ERBIN: variants seen among roughly 807,000 people sequenced by gnomAD.
The protein encoded by ERBIN is erbb2 interacting protein, also known as densin-180-like protein.
In ERBIN, 60 loss-of-function variants were observed where a neutral mutation model predicts 158.4. That is an observed-to-expected ratio of 0.38 (90% CI 0.31 to 0.47). The LOEUF is 0.47. ERBIN is among the 20% of genes least tolerant of loss of function. ERBIN has a pLI of 0.99. For synonymous variants in ERBIN, 594 were observed against 557.2 expected (o/e 1.07, Z -0.93); for missense variants, 1,610 against 1,648.0 (o/e 0.98, Z 0.40).
At chr5:66,029,512 G>A (rs191773037) in intron 14 of ERBIN, among the ~76,000 whole-genome samples, 202 of 152,164 alleles carry the variant, frequency 1.3e-3, no homozygotes, top group Middle Eastern at 0.01. Flanking sequence ...AAAGAAACCC[G>A]CAAGGATTCT....
At chr5:66,004,517 G>A (rs1028753629) in intron 4 of ERBIN, among the ~76,000 whole-genome samples, 1 of 152,052 alleles carries the variant, frequency 6.6e-6, no homozygotes, top group Admixed American at 6.6e-5. Context: ...TTGTACCTCA[G>A]CCTCCCAAGT....
rs73107527 is a variant in ERBIN at position 66,004,434 on chromosome 5, C to T, written c.308-7615C>T. On this transcript the variant is annotated intron_variant, in intron 4 of 25. Coordinates refer to ENST00000284037, the MANE Select transcript of ERBIN (RefSeq NM_001253697.2). The stretch of plus-strand genomic sequence containing the variant: ...TATGTGTGAGTTGAGACAGAATCTC[C>T]GTCACCCAGGCTGCAGTACAGTGGT... Among the ~76,000 whole-genome samples the T allele has an allele frequency of 3.8e-3, 580 of 152,106 alleles. 6 individuals are homozygous for T. Among genetic ancestry groups the T allele is most frequent in the African/African-American group, 0.013 (557 of 41,500 alleles).
At chr5:66,053,187 A>G (rs1580474562) in intron 20 of ERBIN, among the ~76,000 whole-genome samples, 1 of 152,292 alleles carries the variant, frequency 6.6e-6, no homozygotes, top group Non-Finnish European at 1.5e-5. Context: ...GGTATTATCT[A>G]TGAATTTTAA....
At chr5:65,960,345 A>G (rs976588796) in intron 1 of ERBIN, among the ~76,000 whole-genome samples, 8 of 152,238 alleles carry the variant, frequency 5.3e-5, no homozygotes, top group Non-Finnish European at 8.8e-5. Context: ...CATTGACTGG[A>G]TGTGGGGCAG....
intron 1 of ERBIN, among the ~76,000 whole-genome samples, chr5:65,965,147 A>G (rs1218173494): frequency 8.9e-6 from 1 of 112,200 alleles, no homozygotes; most frequent in Non-Finnish European, 2.0e-5. Context: ...AAAACTTTCT[A>G]ATGAATTCTC....
chr5:65,941,943 T>C lies in ERBIN; in HGVS notation c.-58+15137T>C, dbSNP rs570473810. On this transcript the variant is annotated intron_variant, in intron 1 of 25. Transcript: ENST00000284037. ...TTTTAGTAGAGATGGGGTTTCACCA[T>C]GTTAGCCAGGATGGTCTCGATCTCC... Among the ~76,000 whole-genome samples, 30 of 152,318 alleles carry C rather than the reference T, an allele frequency of 2.0e-4. No homozygotes were observed. In the East Asian group the frequency reaches 5.6e-3, roughly 28 times the overall value.
chr5:66,038,021 G>C (rs960032692), intron 14 of ERBIN, among the ~76,000 whole-genome samples: 3 of 152,016 alleles, frequency 2.0e-5, no homozygotes, highest in Non-Finnish European at 4.4e-5. Flanking sequence ...ATACTAGAGA[G>C]GGCAAAATAA....
intron 1 of ERBIN, among the ~76,000 whole-genome samples, chr5:65,962,754 ACT>A (rs1183833615): frequency 1.3e-5 from 2 of 152,156 alleles, no homozygotes; most frequent in African/African-American, 4.8e-5. Context: ...CATTACTAAT[ACT>A]CTCTGTGTAA....
At chr5:66,077,900 T>G (rs1762161205) in intron 25 of ERBIN, among the ~76,000 whole-genome samples, 1 of 152,156 alleles carries the variant, frequency 6.6e-6, no homozygotes, top group Non-Finnish European at 1.5e-5. Context: ...TGCCTCTCCA[T>G]GCCTGGGCTT....
At chr5:65,975,392 G>A (rs372650486) in intron 1 of ERBIN, among the ~76,000 whole-genome samples, 2 of 152,098 alleles carry the variant, frequency 1.3e-5, no homozygotes, top group Admixed American at 1.3e-4. Context: ...TGTAACCTCC[G>A]CCTCCCAGGT....
chr5:66,037,007 G>T (rs536000604), intron 14 of ERBIN, among the ~76,000 whole-genome samples: 1 of 152,200 alleles, frequency 6.6e-6, no homozygotes, highest in African/African-American at 2.4e-5. Context: ...CAATTCAGTG[G>T]TTTTTAGTAT....
At chr5:65,943,209 A>C (rs1459849410) in intron 1 of ERBIN, among the ~76,000 whole-genome samples, 1 of 152,188 alleles carries the variant, frequency 6.6e-6, no homozygotes, top group Non-Finnish European at 1.5e-5. Context: ...CAGTAGTTAT[A>C]GCTTATGGAT....
chr5:65,935,376 G>GT (rs202162307), intron 1 of ERBIN, among the ~76,000 whole-genome samples: 5,946 of 152,050 alleles, frequency 0.039, 391 homozygotes, highest in African/African-American at 0.14. Context: ...TTCCATACTT[G>GT]TAACTTATCT....
chr5:66,026,903 A>G (rs1756316805), intron 13 of ERBIN, among the ~76,000 whole-genome samples: 2 of 152,122 alleles, frequency 1.3e-5, no homozygotes, highest in South Asian at 2.1e-4. Context: ...TAACAAAACA[A>G]TTTTGGAATG....
rs373269669 is a variant in ERBIN at position 66,030,285 on chromosome 5, G to A, written c.1206+1942G>A. ...TGGAACTCCTGACCTCAGGTAATCC[G>A]CCTGCTTCGGCCTCCCAAAGTGCTG... On this transcript the variant is annotated intron_variant, in intron 14 of 25. Transcript: ENST00000284037. Among the ~76,000 whole-genome samples, 27 of 151,356 alleles carry A rather than the reference G, an allele frequency of 1.8e-4. No homozygotes were observed. In the South Asian group the frequency reaches 4.4e-3, roughly 25 times the overall value.
chr5:65,988,440 C>G (rs1053256345), intron 1 of ERBIN, among the ~76,000 whole-genome samples, 195 bp from the exon 2 acceptor site: 3 of 150,908 alleles, frequency 2.0e-5, no homozygotes, highest in Non-Finnish European at 4.4e-5. Flanking sequence ...TGTGTGCATA[C>G]ACTTGTGTGT....
chr5:65,968,099 A>G (rs996600892), intron 1 of ERBIN, among the ~76,000 whole-genome samples: 7 of 152,232 alleles, frequency 4.6e-5, no homozygotes, highest in African/African-American at 1.2e-4. Flanking sequence ...TCTTATTCCA[A>G]TGACGGGGAA....
chr5:65,944,698 G>C (rs1040218604), intron 1 of ERBIN, among the ~76,000 whole-genome samples: 2 of 152,138 alleles, frequency 1.3e-5, no homozygotes, highest in Non-Finnish European at 2.9e-5. Context: ...ACTATACCTG[G>C]CCTTATTATG....
At position 66,076,399 on chromosome 5, in the gene ERBIN, T is replaced by C. The variant is rs745848969; in HGVS notation, c.4047T>C (p.Pro1349=). The C allele has an allele frequency of 1.9e-6, 3 of 1,608,388 alleles. No individual in the cohort carries two copies. Among genetic ancestry groups the C allele is most frequent in the Admixed American group, 1.7e-5 (1 of 58,774 alleles). Residue 1349 remains proline, a synonymous_variant, in exon 24 of 26, where the codon CCT becomes CCC. Coordinates refer to ENST00000284037, the MANE Select transcript of ERBIN (RefSeq NM_001253697.2). ...GVGGRGNPFR[P]DDDGIFVTRV... is the part of the protein sequence containing the mutation. ...GGGGTAGAGGAAACCCATTCAGACCTGATGATGATGTAAGTTTTCTTTGTA... is the reference window on the plus strand; with the variant it reads ...GGGGTAGAGGAAACCCATTCAGACCCGATGATGATGTAAGTTTTCTTTGTA...
Sources: gnomAD v4.1 joint callset for allele counts (sites outside exome capture counted in the v4.1 genomes callset) on GRCh38, gnomAD v4.1.1 for gene constraint, MANE v1.5 for transcripts, NCBI Gene and HGNC (gene_info 2026-07-23, HGNC 2026-07-21) for gene names.